Variants in ZNF596 observed in about 807,000 individuals in gnomAD.
The protein encoded by ZNF596 is zinc finger protein 596.
A neutral mutation model predicts 48.3 loss-of-function variants in ZNF596; 45 were observed. The observed-to-expected ratio is 0.93, with a 90% CI of 0.73 to 1.19. The LOEUF (loss-of-function observed/expected upper bound fraction) is 1.19, where lower values mean the gene tolerates loss of function less well. ZNF596 is among the 50% of genes most tolerant of loss of function. ZNF596 has a pLI of 0.00. For synonymous variants in ZNF596, 270 were observed against 202.0 expected, an observed-to-expected ratio of 1.34 and a Z score of -2.85; for missense variants, 848 against 599.7, an observed-to-expected ratio of 1.41 and a Z score of -4.32.
At chr8:244,007 C>A in intron 4 of ZNF596, 1 of 407,880 alleles carries the variant, frequency 2.5e-6, no homozygotes, top group Non-Finnish European at 4.5e-6. Flanking sequence ...CTTGCCTCAG[C>A]CTCCCGAGTA....
rs775118661 is a variant in ZNF596 at position 245,568 on chromosome 8, CATG to C, written c.723_725del (p.His241_Glu242delinsGln). 3 of 1,614,068 alleles carry C rather than the reference CATG, an allele frequency of 1.9e-6. No individual in the cohort carries two copies. In the South Asian group the frequency reaches 3.3e-5, roughly 18 times the overall value. Reference sequence around the variant, plus strand: ...TACTCATTGCTCTGATCTTCGAAAACATGAGAGAACTCACACTGGAGAGAAGCC... The same window carrying C: ...TACTCATTGCTCTGATCTTCGAAAACAGAGAACTCACACTGGAGAGAAGCC... On this transcript the variant is annotated inframe_deletion, in exon 6 of 6. Coordinates refer to ENST00000398612, the MANE Select transcript of ZNF596 (RefSeq NM_001042416.3).
upstream of ZNF596, chr8:232,454 G>T (rs1382071909): frequency 3.7e-6 from 1 of 267,278 alleles, no homozygotes; most frequent in African/African-American, 2.3e-5. Flanking sequence ...ACCCAGCCAC[G>T]CAGTTCCCTT....
intron 1 of ZNF596, chr8:240,597 A>G (rs1449682300): frequency 1.5e-5 from 6 of 393,436 alleles, no homozygotes; most frequent in Middle Eastern, 6.9e-4. Flanking sequence ...GGCATATGAA[A>G]CTCCATGATT....
rs373175883 is a variant in ZNF596 at position 243,763 on chromosome 8, C to G, written c.181C>G (p.Gln61Glu). Residue 61 changes from glutamine (Q) to glutamate (E), a missense_variant, in exon 4 of 6, where the codon CAA becomes GAA. Coordinates refer to ENST00000398612, the MANE Select transcript of ZNF596 (RefSeq NM_001042416.3). ...ATCAGTTGTGCTTTCCCAATTGGAG[C>G]AAGTAGAGAAACTTTCAACACAAAG... is the stretch of plus-strand genomic sequence containing the variant. ...CKSVVLSQLE[Q>E]VEKLSTQRIS... 3.7e-6 allele frequency: 6 copies of G among 1,613,604 alleles called. No individual in the cohort carries two copies. The East Asian group carries it at 8.9e-5, about 24-fold the overall frequency.
rs1563072642 is a variant in ZNF596, at chr8:246,196, A to G, written c.1349A>G (p.Asn450Ser). 2.5e-6 allele frequency: 4 copies of G among 1,614,142 alleles called. No homozygotes were observed. The highest frequency in any genetic ancestry group is 3.4e-6 in the Non-Finnish European group (4 of 1,180,024). The change falls in exon 6 of 6, where the codon AAT (asparagine) becomes AGT (serine). Residue 450 changes from asparagine (N) to serine (S), a missense_variant. Transcript: ENST00000398612. The part of the protein sequence containing the change: ...THTGEKPYEC[N>S]ICGKAFNRSY... ...ACTGGAGAGAAACCATATGAATGCA[A>G]TATATGTGGTAAAGCCTTCAATAGA...
At position 245,197 on chromosome 8, in the gene ZNF596, GAGA is replaced by G. The variant is rs748170413; in HGVS notation, c.354_356del (p.Glu118del). On this transcript the variant is annotated inframe_deletion, in exon 6 of 6. Coordinates refer to ENST00000398612, the MANE Select transcript of ZNF596 (RefSeq NM_001042416.3). ...GATCCTTTTCTATGCAATGACTTAG[GAGA>G]AGATTTCACTCAACATATAGCATTG... The G allele has an allele frequency of 6.2e-7, 1 of 1,609,032 alleles. No individual in the cohort carries two copies. The highest frequency in any genetic ancestry group is 1.1e-5 in the South Asian group (1 of 90,346).
In ZNF596 at chr8:232,977, T is replaced by C. The variant is rs571901737; in HGVS notation, c.-73+283T>C. ...TAGCGGTGACTGTTGGGTGTTTACC[T>C]TCCCGGTGTCCCACTGAGAAGCGGG... On this transcript the variant is annotated intron_variant, in intron 1 of 5. Transcript: ENST00000398612. 3.4e-4 allele frequency: 159 copies of C among 468,790 alleles called. 1 individual carries two copies. The highest frequency in any genetic ancestry group is 2.4e-3 in the South Asian group (157 of 64,564). 29.0% of individuals were successfully genotyped at this position (468,790 alleles called of 1,614,324 possible).
intron 2 of ZNF596, among the ~76,000 whole-genome samples, chr8:242,373 TGATA>T (rs1307168229): frequency 3.9e-5 from 6 of 152,206 alleles, no homozygotes; most frequent in Admixed American, 2.0e-4. Context: ...ATCTAAAAAG[TGATA>T]GATAGGAACC....
At chr8:241,002 T>C (rs1796831955) in intron 2 of ZNF596, 95 bp downstream of exon 2, 2 of 1,454,020 alleles carry the variant, frequency 1.4e-6, no homozygotes, top group Non-Finnish European at 1.9e-6. Flanking sequence ...CTAAGTGCAC[T>C]CAAGGATCCA....
rs181625660 is a variant in ZNF596, at chr8:236,667, T to C, written c.-73+3973T>C. 5.2e-4 allele frequency among the ~76,000 whole-genome samples: 79 copies of C among 152,354 alleles called. 1 individual carries two copies. The highest frequency in any genetic ancestry group is 5.1e-3 in the Admixed American group (78 of 15,312). On this transcript the variant is annotated intron_variant, in intron 1 of 5. Transcript: ENST00000398612. ...CAAAGGTCTATTAATGTGATTTTTT[T>C]AATCTTTAAAATTACTTTGTGAAAA...
intron 1 of ZNF596, among the ~76,000 whole-genome samples, chr8:236,830 G>A (rs1034261260): frequency 6.6e-6 from 1 of 152,160 alleles, no homozygotes; most frequent in African/African-American, 2.4e-5. Context: ...TTGTATTGAT[G>A]ATTTTTGCAA....
chr8:243,600 C>T, intron 3 of ZNF596, 122 bp from the exon 4 acceptor site: 2 of 829,256 alleles, frequency 2.4e-6, no homozygotes, highest in South Asian at 3.3e-5. Flanking sequence ...CTTCAAGGTA[C>T]TCTTCCCAGG....
In ZNF596 at chr8:242,988, G is replaced by C; in HGVS notation, c.114G>C (p.Glu38Asp). The change falls in exon 3 of 6, where the codon GAG becomes GAC. Residue 38 changes from glutamate to aspartate, a missense_variant. Coordinates refer to ENST00000398612, the MANE Select transcript of ZNF596 (RefSeq NM_001042416.3). ...AGCTGTTTCAAGATGTGATGTTGGA[G>C]AACATCAGTCATCTGGTCTCTATTG... is the stretch of plus-strand genomic sequence containing the variant. ...QRKLFQDVML[E>D]NISHLVSIGK... 6.2e-7 allele frequency: 1 copy of C among 1,611,752 alleles called. No individual in the cohort carries two copies. The highest frequency in any genetic ancestry group is 1.3e-5 in the African/African-American group (1 of 75,002).
chr8:233,678 G>C (rs371477661), intron 1 of ZNF596: 1 of 149,956 alleles, frequency 6.7e-6, no homozygotes, highest in African/African-American at 2.4e-5. Context: ...ATAATGAATA[G>C]ACTGCTCAAA....
At chr8:240,127 C>T (rs1796792167) in intron 1 of ZNF596, among the ~76,000 whole-genome samples, 1 of 152,228 alleles carries the variant, frequency 6.6e-6, no homozygotes, top group Non-Finnish European at 1.5e-5. Context: ...AACAATGTCA[C>T]ATACATGTTC....
chr8:233,644 T>C (rs918105530), intron 1 of ZNF596: 4 of 152,992 alleles, frequency 2.6e-5, no homozygotes, highest in African/African-American at 7.2e-5. Flanking sequence ...CCTAGAACTT[T>C]GTTCCAACAG....
chr8:245,128 G>A, intron 5 of ZNF596, 26 bp from the exon 6 acceptor site: 1 of 1,545,476 alleles, frequency 6.5e-7, no homozygotes. Context: ...ACCTTTAATA[G>A]TCTTTCATTT....
chr8:240,275 A>G (rs1360164171), intron 1 of ZNF596: 9 of 152,310 alleles, frequency 5.9e-5, no homozygotes, highest in Admixed American at 5.9e-4. Context: ...TGCTTGGTAG[A>G]TAAATTCATG....
At chr8:242,163 G>T (rs539420221) in intron 2 of ZNF596, among the ~76,000 whole-genome samples, 42 of 152,300 alleles carry the variant, frequency 2.8e-4, no homozygotes, top group African/African-American at 9.6e-4. Flanking sequence ...GAAAGTGGCA[G>T]GATGAGACCA....
Sources: allele counts gnomAD v4.1 joint callset (sites outside exome capture counted in the v4.1 genomes callset), GRCh38; gene constraint gnomAD v4.1.1; transcripts MANE v1.5; gene names NCBI Gene and HGNC (gene_info 2026-07-23, HGNC 2026-07-21).